ATXN7L1: variants seen among roughly 807,000 people sequenced by gnomAD.
ATXN7L1 encodes the protein ataxin-7-like protein 1.
A neutral mutation model predicts 70.8 loss-of-function variants in ATXN7L1; 15 were observed. The observed-to-expected ratio is 0.21, with a 90% CI of 0.14 to 0.33. The LOEUF (loss-of-function observed/expected upper bound fraction) is 0.33, where lower values mean the gene tolerates loss of function less well. Among genes scored for constraint, ATXN7L1 ranks in the 10% least tolerant of loss-of-function variants. The pLI, the probability that ATXN7L1 is intolerant of heterozygous loss-of-function variation, is 1.00. For missense variants in ATXN7L1, 975 were observed against 1,097.1 expected (o/e 0.89, Z 1.57); for synonymous variants, 440 against 445.1 (o/e 0.99, Z 0.14).
rs76291315 is a variant in ATXN7L1 at position 105,803,345 on chromosome 7, C to T, written c.251-14637G>A. Among the ~76,000 whole-genome samples, 43 of 152,348 alleles carry T rather than the reference C, an allele frequency of 2.8e-4. No homozygotes were observed. The East Asian group carries it at 8.3e-3, about 29-fold the overall frequency. ...AGCTCTTTCTCAGCTCCCCTGGGAG[C>T]GTGGCCTGCTGGGACCCCATGAGTC... On this transcript the variant is annotated intron_variant, in intron 2 of 11. Coordinates refer to ENST00000419735, the MANE Select transcript of ATXN7L1 (RefSeq NM_020725.2).
intron 2 of ATXN7L1, among the ~76,000 whole-genome samples, chr7:105,815,026 T>A (rs1395064362): frequency 6.6e-6 from 1 of 152,164 alleles, no homozygotes; most frequent in Admixed American, 6.5e-5. Context: ...ACTAGTCCTT[T>A]CTGGAAAGGG....
At chr7:105,868,454 C>T (rs946732050) in intron 2 of ATXN7L1, among the ~76,000 whole-genome samples, 10 of 152,026 alleles carry the variant, frequency 6.6e-5, no homozygotes, top group African/African-American at 2.2e-4. Flanking sequence ...GGCAAGACAC[C>T]CAGAGGCTTA....
chr7:105,659,791 G>T (rs927144439), intron 4 of ATXN7L1, among the ~76,000 whole-genome samples: 1 of 151,750 alleles, frequency 6.6e-6, no homozygotes, highest in African/African-American at 2.4e-5. Flanking sequence ...CCATGCCCAC[G>T]TCTACACTGA....
At chr7:105,671,737 A>G (rs1584650429) in intron 3 of ATXN7L1, among the ~76,000 whole-genome samples, 1 of 151,718 alleles carries the variant, frequency 6.6e-6, no homozygotes, top group African/African-American at 2.4e-5. Flanking sequence ...TTCTACAAAA[A>G]ATTAAAAACA....
At chr7:105,838,702 C>T (rs1052024535) in intron 2 of ATXN7L1, among the ~76,000 whole-genome samples, 30 of 152,196 alleles carry the variant, frequency 2.0e-4, no homozygotes, top group African/African-American at 7.0e-4. Flanking sequence ...GATTGTTCCA[C>T]TCCTTTCTAA....
chr7:105,670,740 G>T (rs2116100022), intron 3 of ATXN7L1, among the ~76,000 whole-genome samples: 1 of 152,076 alleles, frequency 6.6e-6, no homozygotes, highest in Non-Finnish European at 1.5e-5. Flanking sequence ...AAGGTGGGTG[G>T]ATCACAAGGT....
intron 2 of ATXN7L1, among the ~76,000 whole-genome samples, chr7:105,863,472 G>A (rs1262629735): frequency 6.6e-6 from 1 of 152,198 alleles, no homozygotes; most frequent in Non-Finnish European, 1.5e-5. Flanking sequence ...AGGTGCCCAG[G>A]TGCAACACTT....
At position 105,624,182 on chromosome 7, in the gene ATXN7L1, C is replaced by A; in HGVS notation, c.1288G>T (p.Gly430Cys). Residue 430 changes from glycine to cysteine, a missense_variant, in exon 8 of 12, where the codon GGT (glycine) becomes TGT (cysteine). By Grantham distance (159) the Gly-to-Cys change is radical (BLOSUM62 -3). Coordinates refer to ENST00000419735, the MANE Select transcript of ATXN7L1 (RefSeq NM_020725.2). Reference sequence around the variant, plus strand: ...CTGGACAGTCGGCTGGCGAGGTCACCTCCAACCGGTGGGAGTGGGGGCTCT... The same window carrying A: ...CTGGACAGTCGGCTGGCGAGGTCACATCCAACCGGTGGGAGTGGGGGCTCT... ...TPEPPLPPVG[G>C]DLASRLSSDE... 1 of 1,530,994 alleles carries A rather than the reference C, an allele frequency of 6.5e-7. No individual in the cohort carries two copies. Among genetic ancestry groups the A allele is most frequent in the Non-Finnish European group, 8.8e-7 (1 of 1,135,422 alleles). The allele number at this position is 1,530,994 out of a possible 1,614,324, so 94.8% of individuals were successfully genotyped here.
In ATXN7L1 at chr7:105,793,652, G is replaced by A. The variant is rs961459189; in HGVS notation, c.251-4944C>T. Among the ~76,000 whole-genome samples the A allele has an allele frequency of 1.1e-4, 16 of 152,120 alleles. 1 individual carries two copies. Among genetic ancestry groups the A allele is most frequent in the Admixed American group, 9.8e-4 (15 of 15,282 alleles). ...AAGAAAACATGTGCCCAATGAAGAC[G>A]GAACTTTGTCCAAACACAATGTACA... On this transcript the variant is annotated intron_variant, in intron 2 of 11. Transcript: ENST00000419735.
At chr7:105,681,624 C>T (rs1320328058) in intron 3 of ATXN7L1, among the ~76,000 whole-genome samples, 4 of 152,066 alleles carry the variant, frequency 2.6e-5, no homozygotes, top group African/African-American at 7.2e-5. Context: ...GTATTACTCA[C>T]AATAGTCAAA....
At chr7:105,766,836 C>A (rs546317350) in intron 3 of ATXN7L1, among the ~76,000 whole-genome samples, 96 of 152,332 alleles carry the variant, frequency 6.3e-4, no homozygotes, top group African/African-American at 2.1e-3. Flanking sequence ...CCAGGGGGAA[C>A]CAGCTTCCGT....
chr7:105,804,645 T>G (rs1334373403), intron 2 of ATXN7L1, among the ~76,000 whole-genome samples: 2 of 152,204 alleles, frequency 1.3e-5, no homozygotes, highest in Non-Finnish European at 2.9e-5. Flanking sequence ...ATAATATTAT[T>G]GAAAAAACAT....
chr7:105,668,349 T>C (rs1351368777), intron 3 of ATXN7L1, among the ~76,000 whole-genome samples: 1 of 152,196 alleles, frequency 6.6e-6, no homozygotes, highest in Non-Finnish European at 1.5e-5. Context: ...TCCTCCCAAC[T>C]CAGCCTTCTG....
At chr7:105,776,479 CAAACAAACAAACAACCCCCCCCCCA>C (rs1802736980) in intron 3 of ATXN7L1, among the ~76,000 whole-genome samples, 2 of 126,798 alleles carry the variant, frequency 1.6e-5, no homozygotes, top group Middle Eastern at 7.5e-3. Context: ...TTAAGAAAAA[CAAACAAACAAACAACCCCCCCCCCA>C]AAACAAACAA....
At position 105,854,946 on chromosome 7, in the gene ATXN7L1, TTTC is replaced by T. The variant is rs1188942605; in HGVS notation, c.250+20863_250+20865del. On this transcript the variant is annotated intron_variant, in intron 2 of 11. Coordinates refer to ENST00000419735, the MANE Select transcript of ATXN7L1 (RefSeq NM_020725.2). Reference sequence around the variant, plus strand: ...TGAGTATGGGTTGGGAACTTTCTCTTTTCTTCTTCTTCTTTTTTTTTTTTTTTG... The same window carrying T: ...TGAGTATGGGTTGGGAACTTTCTCTTTTCTTCTTCTTTTTTTTTTTTTTTG... Among the ~76,000 whole-genome samples the T allele has an allele frequency of 2.8e-5, 4 of 143,518 alleles. No individual in the cohort carries two copies. In the South Asian group the frequency reaches 6.5e-4, roughly 23 times the overall value. The allele number at this position is 143,518 out of a possible 152,430, so 94.2% of individuals were successfully genotyped here. A position where few individuals can be genotyped will look rare whatever the true frequency, so the allele number is the denominator to read the frequency against.
intron 10 of ATXN7L1, chr7:105,613,418 C>T (rs1244268857): frequency 1.1e-6 from 1 of 941,302 alleles, no homozygotes; most frequent in African/African-American, 1.8e-5. Flanking sequence ...CAGCATTTAA[C>T]CTGCCTGGGC....
intron 3 of ATXN7L1, among the ~76,000 whole-genome samples, chr7:105,720,399 CCTAGGTTAGTG>C (rs1357899537): frequency 1.3e-5 from 2 of 152,058 alleles, no homozygotes; most frequent in Admixed American, 1.3e-4. Context: ...CTGCCTCTTG[CCTAGGTTAGTG>C]CTAGGTACCG....
chr7:105,658,223 A>AG (rs1274608990), intron 4 of ATXN7L1, among the ~76,000 whole-genome samples: 27 of 151,678 alleles, frequency 1.8e-4, no homozygotes. Context: ...TCTCAAAAAA[A>AG]AAAAAAAAGT....
intron 3 of ATXN7L1, among the ~76,000 whole-genome samples, chr7:105,743,879 C>T (rs116430558): frequency 1.3e-3 from 194 of 152,328 alleles, no homozygotes; most frequent in African/African-American, 4.3e-3. Context: ...CAATCCTGAA[C>T]ATTAATCAAG....
Sources: gnomAD v4.1 joint callset for allele counts (sites outside exome capture counted in the v4.1 genomes callset) on GRCh38, gnomAD v4.1.1 for gene constraint, MANE v1.5 for transcripts, NCBI Gene and HGNC (gene_info 2026-07-23, HGNC 2026-07-21) for gene names.